The following NUDT6 variants were observed in gnomAD, a reference collection of about 807,000 sequenced individuals.
NUDT6 encodes the protein nudix hydrolase 6, also known as FAD diphosphatase NUDT6.
In NUDT6, 24 loss-of-function variants were observed where a neutral mutation model predicts 36.8. That is an observed-to-expected ratio of 0.65 (90% CI 0.47 to 0.92). The LOEUF is 0.92. Ranked by LOEUF, NUDT6 falls within the 40% of genes least tolerant of loss-of-function variation. NUDT6 has a pLI of 0.00. For missense variants in NUDT6, 388 were observed against 392.8 expected, an observed-to-expected ratio of 0.99 and a Z score of 0.10; for synonymous variants, 163 against 157.0, an observed-to-expected ratio of 1.04 and a Z score of -0.29.
chr4:122,904,388 T>C (rs974622579), intron 3 of NUDT6, among the ~76,000 whole-genome samples: 1 of 152,170 alleles, frequency 6.6e-6, no homozygotes, highest in Non-Finnish European at 1.5e-5. Flanking sequence ...TGTTGTCAAT[T>C]AATTTGTAGC....
intron 3 of NUDT6, among the ~76,000 whole-genome samples, chr4:122,900,110 C>T (rs1343299906): frequency 1.5e-5 from 2 of 137,278 alleles, no homozygotes; most frequent in Admixed American, 7.8e-5. Flanking sequence ...TCCTGTGCGC[C>T]AACGGTTAAC....
chr4:122,900,764 G>C (rs546690943), intron 3 of NUDT6, among the ~76,000 whole-genome samples: 26 of 152,100 alleles, frequency 1.7e-4, no homozygotes, highest in Non-Finnish European at 2.8e-4. Context: ...CTGTGTCTTA[G>C]ACTTACACTT....
chr4:122,922,329 A>C lies in NUDT6; in HGVS notation c.238+6T>G, dbSNP rs200108370. The C allele has an allele frequency of 2.5e-5, 40 of 1,596,328 alleles. No individual in the cohort carries two copies. The East Asian group carries it at 8.3e-4, about 33-fold the overall frequency. On this transcript the variant is annotated splice_donor_region_variant and intron_variant, in intron 1 of 4. Transcript: ENST00000304430. ...CCCGGGAGCCCTTCGTCCCAGGCGC[A>C]CTTGCCCTGCAAGCCCTTCTGGAAG...
chr4:122,896,921 G>A (rs1411945786), intron 4 of NUDT6: 1 of 152,110 alleles, frequency 6.6e-6, no homozygotes, highest in Non-Finnish European at 1.5e-5. Flanking sequence ...GATACACATT[G>A]AATTTGATCC....
Position 122,900,217 on chromosome 4 carries a change from C to T in NUDT6, c.499-2539G>A, listed in dbSNP as rs573847177. ...GGCTGCCTTCATCCAAATCCTTTTC[C>T]GAAGCTTTTGTAAACCTTCCAGCCT... On this transcript the variant is annotated intron_variant, in intron 3 of 4. Coordinates refer to ENST00000304430, the MANE Select transcript of NUDT6 (RefSeq NM_007083.5). Among the ~76,000 whole-genome samples, 71 of 152,104 alleles carry T rather than the reference C, an allele frequency of 4.7e-4. 2 individuals carry two copies. The highest frequency in any genetic ancestry group is 1.2e-3 in the South Asian group (6 of 4,810).
At chr4:122,900,724 T>G (rs952957032) in intron 3 of NUDT6, among the ~76,000 whole-genome samples, 6 of 152,150 alleles carry the variant, frequency 3.9e-5, no homozygotes, top group Non-Finnish European at 8.8e-5. Context: ...GGGACCTAAT[T>G]GGAACATTCT....
At chr4:122,902,455 A>G (rs956652074) in intron 3 of NUDT6, among the ~76,000 whole-genome samples, 9 of 152,194 alleles carry the variant, frequency 5.9e-5, no homozygotes, top group African/African-American at 2.2e-4. Flanking sequence ...GAAACTATAC[A>G]TCTGTTCACT....
At position 122,922,428 on chromosome 4, in the gene NUDT6, C is replaced by A; in HGVS notation, c.145G>T (p.Glu49Ter). Residue 49 changes from glutamate to a stop codon, truncating the protein, a stop_gained, in exon 1 of 5, where the codon GAG (glutamate) becomes TAG (stop). Transcript: ENST00000304430. LOFTEE classifies it high-confidence loss of function. ...GAGATGCCCCCGAATCTGTCCAGCT[C>A]GCCCTGCAGATCGCACGCTCCAACT... ...PPVGACDLQG[E>*]LDRFGGISVR... 1 of 1,612,056 alleles carries A rather than the reference C, an allele frequency of 6.2e-7. No individual in the cohort carries two copies. The highest frequency in any genetic ancestry group is 8.5e-7 in the Non-Finnish European group (1 of 1,179,884).
Position 122,893,104 on chromosome 4 carries a change from G to A in NUDT6, c.675C>T (p.Ile225=), listed in dbSNP as rs768158192. The A allele has an allele frequency of 1.9e-6, 3 of 1,614,140 alleles. No individual in the cohort carries two copies. The highest frequency in any genetic ancestry group is 1.6e-4 in the Middle Eastern group (1 of 6,062). ...ATGAATATGGCTTTAGGCGGCAGATGATATACATATCTGACTTCCCAAAAG... is the reference window on the plus strand; with the variant it reads ...ATGAATATGGCTTTAGGCGGCAGATAATATACATATCTGACTTCCCAAAAG... ...PGAFGKSDMY[I]ICRLKPYSFT... is the part of the protein sequence containing the mutation. The change falls in exon 5 of 5, where the codon ATC becomes ATT. Residue 225 remains isoleucine (I), a synonymous_variant. Coordinates refer to ENST00000304430, the MANE Select transcript of NUDT6 (RefSeq NM_007083.5).
rs186304089 is a variant in NUDT6, at chr4:122,921,886, C to A, written c.238+449G>T. 110 of 154,954 alleles carry A rather than the reference C, an allele frequency of 7.1e-4. 2 individuals carry two copies. Among genetic ancestry groups the A allele is most frequent in the Non-Finnish European group, 1.3e-4 (9 of 69,996 alleles). 9.6% of individuals were successfully genotyped at this position (154,954 alleles called of 1,614,324 possible). On this transcript the variant is annotated intron_variant, in intron 1 of 4. Coordinates refer to ENST00000304430, the MANE Select transcript of NUDT6 (RefSeq NM_007083.5). Reference sequence around the variant, plus strand: ...AAAAGTGTCCGACAGAACCAAGGCTCGGTAAAGGATACTAATAATGTAATA... The same window carrying A: ...AAAAGTGTCCGACAGAACCAAGGCTAGGTAAAGGATACTAATAATGTAATA...
At chr4:122,917,814 G>T in intron 1 of NUDT6, 110 bp from the exon 2 acceptor site, 1 of 896,006 alleles carries the variant, frequency 1.1e-6, no homozygotes. Flanking sequence ...AAGCAAAAGA[G>T]GTCCCCAAAT....
chr4:122,922,431 C>T lies in NUDT6; in HGVS notation c.142G>A (p.Gly48Ser), dbSNP rs1297047187. The T allele has an allele frequency of 1.7e-5, 27 of 1,611,990 alleles. No homozygotes were observed. The highest frequency in any genetic ancestry group is 2.1e-5 in the Non-Finnish European group (25 of 1,179,878). ...NPPVGACDLQ[G>S]ELDRFGGISV... ...ATGCCCCCGAATCTGTCCAGCTCGC[C>T]CTGCAGATCGCACGCTCCAACTGGC... is the stretch of plus-strand genomic sequence containing the variant. The change falls in exon 1 of 5, where the codon GGC becomes AGC. Residue 48 changes from glycine (G) to serine (S), a missense_variant. Transcript: ENST00000304430.
chr4:122,898,651 C>A (rs1437339902), intron 3 of NUDT6, among the ~76,000 whole-genome samples: 2 of 152,148 alleles, frequency 1.3e-5, no homozygotes, highest in Non-Finnish European at 2.9e-5. Context: ...TTTCCATAGA[C>A]TGTTGATTAT....
At position 122,897,658 on chromosome 4, in the gene NUDT6, A is replaced by C. The variant is rs1298859944; in HGVS notation, c.519T>G (p.Phe173Leu). 6.2e-7 allele frequency: 1 copy of C among 1,610,082 alleles called. No homozygotes were observed. The highest frequency in any genetic ancestry group is 1.1e-5 in the South Asian group (1 of 91,004). ...DRNKLKNMWK[F>L]PGGLSEPEED... Reference sequence around the variant, plus strand: ...CTTCAGGCTCTGACAGGCCTCCTGGAAACTTCCACATATTTTTCAACTGCA... The same window carrying C: ...CTTCAGGCTCTGACAGGCCTCCTGGCAACTTCCACATATTTTTCAACTGCA... Residue 173 changes from phenylalanine (F) to leucine (L), a missense_variant, in exon 4 of 5, where the codon TTT (phenylalanine) becomes TTG (leucine). By Grantham distance (22) the Phe-to-Leu change is conservative. Transcript: ENST00000304430.
At chr4:122,898,967 A>ACCTG (rs1445256580) in intron 3 of NUDT6, among the ~76,000 whole-genome samples, 3 of 150,562 alleles carry the variant, frequency 2.0e-5, no homozygotes, top group African/African-American at 7.3e-5. Context: ...TGCAGTCTTG[A>ACCTG]CCTGCCTGGG....
intron 3 of NUDT6, 79 bp from the exon 4 acceptor site, chr4:122,897,757 A>G: frequency 2.0e-6 from 2 of 989,560 alleles, no homozygotes; most frequent in East Asian, 4.8e-5. Context: ...AAATCCACCT[A>G]TAATTGGTCA....
chr4:122,920,741 A>G (rs1269528791), intron 1 of NUDT6: 5 of 152,252 alleles, frequency 3.3e-5, no homozygotes, highest in South Asian at 2.1e-4. Flanking sequence ...GTGTCTACCC[A>G]CACACTGGAA....
intron 2 of NUDT6, among the ~76,000 whole-genome samples, 200 bp downstream of exon 2, chr4:122,917,301 T>C (rs1727864477): frequency 6.6e-6 from 1 of 152,230 alleles, no homozygotes; most frequent in African/African-American, 2.4e-5. Flanking sequence ...TATATATACA[T>C]AGGGTTTGGT....
At chr4:122,901,076 A>G (rs1324776991) in intron 3 of NUDT6, among the ~76,000 whole-genome samples, 5 of 152,114 alleles carry the variant, frequency 3.3e-5, no homozygotes, top group African/African-American at 1.2e-4. Context: ...CCTAATCTCA[A>G]AAAAGGAACT....
Sources: gnomAD v4.1 joint callset for allele counts (sites outside exome capture counted in the v4.1 genomes callset) on GRCh38, gnomAD v4.1.1 for gene constraint, MANE v1.5 for transcripts, NCBI Gene and HGNC (gene_info 2026-07-23, HGNC 2026-07-21) for gene names.